The following PPTC7 variants were observed in gnomAD, a reference collection of about 807,000 sequenced individuals.
PPTC7 encodes the protein protein phosphatase targeting COQ7, also known as protein phosphatase PTC7 homolog.
Under a neutral mutation model 30.8 loss-of-function variants are expected in PPTC7, and 6 were observed. The observed-to-expected ratio is 0.19, with a 90% CI of 0.11 to 0.38. PPTC7 has a LOEUF of 0.38. Ranked by LOEUF, PPTC7 falls within the 10% of genes least tolerant of loss-of-function variation. The pLI is 1.00. For missense variants in PPTC7, 218 were observed against 404.8 expected (o/e 0.54, Z 3.96); for synonymous variants, 163 against 168.1 (o/e 0.97, Z 0.23).
Position 110,576,001 on chromosome 12 carries a change from T to C in PPTC7, c.223+6808A>G, listed in dbSNP as rs141078997. Among the ~76,000 whole-genome samples, 12 of 152,226 alleles carry C rather than the reference T, an allele frequency of 7.9e-5. No homozygotes were observed. In the East Asian group the frequency reaches 2.1e-3, roughly 27 times the overall value. On this transcript the variant is annotated intron_variant, in intron 1 of 5. Transcript: ENST00000354300. ...AAAAGCAAACAGCAAACCTCCTCTATCCATCAACCCTGTAATCTTATGTAT... is the reference window on the plus strand; with the variant it reads ...AAAAGCAAACAGCAAACCTCCTCTACCCATCAACCCTGTAATCTTATGTAT...
intron 2 of PPTC7, among the ~76,000 whole-genome samples, chr12:110,547,217 T>C (rs1032406368): frequency 4.6e-5 from 7 of 152,162 alleles, no homozygotes; most frequent in Non-Finnish European, 7.3e-5. Context: ...TAAATTACAG[T>C]ACATCCATAC....
At position 110,538,238 on chromosome 12, in the gene PPTC7, T is replaced by G; in HGVS notation, c.762A>C (p.Arg254Ser). 1 of 1,614,140 alleles carries G rather than the reference T, an allele frequency of 6.2e-7. No homozygotes were observed. Among genetic ancestry groups the G allele is most frequent in the Non-Finnish European group, 8.5e-7 (1 of 1,179,936 alleles). ...SNYESIQQTA[R>S]SIAEQAHELA... is the part of the protein sequence containing the mutation. ...GCTCATGAGCTTGCTCAGCAATGCT[T>G]CTGGCAGTCTGTTGTATACTCTCAT... The change falls in exon 5 of 6, where the codon AGA (arginine) becomes AGC (serine). Residue 254 changes from arginine to serine, a missense_variant. By Grantham distance (110) the Arg-to-Ser change is moderately radical. Coordinates refer to ENST00000354300, the MANE Select transcript of PPTC7 (RefSeq NM_139283.2).
chr12:110,566,714 G>C (rs964269294), intron 1 of PPTC7, among the ~76,000 whole-genome samples: 1 of 152,094 alleles, frequency 6.6e-6, no homozygotes, highest in Non-Finnish European at 1.5e-5. Flanking sequence ...ACAAACACTA[G>C]TCTGTGGTCA....
intron 3 of PPTC7, among the ~76,000 whole-genome samples, chr12:110,543,518 G>A (rs1007911329): frequency 6.6e-6 from 1 of 152,016 alleles, no homozygotes; most frequent in Non-Finnish European, 1.5e-5. Context: ...AACAATGCAA[G>A]ACGCTCTCAT....
intron 2 of PPTC7, chr12:110,546,847 G>C (rs980308948): frequency 1.3e-5 from 2 of 152,174 alleles, no homozygotes; most frequent in African/African-American, 2.4e-5. Context: ...AGTTCACAAA[G>C]AAATAAGTGT....
intron 1 of PPTC7, among the ~76,000 whole-genome samples, chr12:110,577,121 C>T (rs1184376743): frequency 1.4e-5 from 2 of 145,882 alleles, no homozygotes; most frequent in Non-Finnish European, 3.0e-5. Context: ...GAGCCAAGAT[C>T]GCGCCACTGC....
intron 1 of PPTC7, among the ~76,000 whole-genome samples, chr12:110,574,013 C>T (rs1283363382): frequency 6.6e-6 from 1 of 151,026 alleles, no homozygotes; most frequent in Non-Finnish European, 1.5e-5. Flanking sequence ...AAAGGCACTA[C>T]ACAGGCTGGG....
chr12:110,546,067 C>T lies in PPTC7; in HGVS notation c.415G>A (p.Ala139Thr), dbSNP rs376388180. The T allele has an allele frequency of 1.2e-6, 2 of 1,613,446 alleles. No individual in the cohort carries two copies. Among genetic ancestry groups the T allele is most frequent in the African/African-American group, 1.3e-5 (1 of 75,042 alleles). Reference sequence around the variant, plus strand: ...GTTCTGTCCAGCACCACAATGCAGGCGGTGCTGCTACCTAGAAACAAAAAT... The same window carrying T: ...GTTCTGTCCAGCACCACAATGCAGGTGGTGCTGCTACCTAGAAACAAAAAT... ...NKVPLLGSST[A>T]CIVVLDRTSH... The change falls in exon 3 of 6, where the codon GCC becomes ACC. Residue 139 changes from alanine (A) to threonine (T), a missense_variant. By Grantham distance (58) the Ala-to-Thr change is moderately conservative. Transcript: ENST00000354300.
Position 110,545,911 on chromosome 12 carries a change from G to C in PPTC7, c.571C>G (p.Pro191Ala). Reference sequence around the variant, plus strand: ...CTCAAGACGACTCCCTCGGCTTCAGGGGGAGCGATTGAGAGCTGGAATGGA... The same window carrying C: ...CTCAAGACGACTCCCTCGGCTTCAGCGGGAGCGATTGAGAGCTGGAATGGA... ...NTPFQLSIAP[P>A]EAEGVVLSDS... Residue 191 changes from proline (P) to alanine (A), a missense_variant, in exon 3 of 6, where the codon CCT becomes GCT. Transcript: ENST00000354300. 1.9e-6 allele frequency: 3 copies of C among 1,613,898 alleles called. No individual in the cohort carries two copies. Among genetic ancestry groups the C allele is most frequent in the Non-Finnish European group, 2.5e-6 (3 of 1,180,018 alleles).
chr12:110,569,376 G>A (rs908922083), intron 1 of PPTC7, among the ~76,000 whole-genome samples: 1 of 152,046 alleles, frequency 6.6e-6, no homozygotes, highest in Admixed American at 6.6e-5. Flanking sequence ...AAAAGAGAAA[G>A]AGAGGGCTGA....
In PPTC7 at chr12:110,582,934, TCGCCGCCGCCGC is replaced by T; in HGVS notation, c.86_97del (p.Gly29_Gly32del). 3.2e-6 allele frequency: 5 copies of T among 1,546,426 alleles called. No homozygotes were observed. The highest frequency in any genetic ancestry group is 1.2e-5 in the South Asian group (1 of 83,928). The stretch of plus-strand genomic sequence containing the variant: ...GCAGCCGGCCGTCACCAGTCCGTAG[TCGCCGCCGCCGC>T]CGCCGCCGGCCCTGGGGTCGGTCTG... On this transcript the variant is annotated inframe_deletion, in exon 1 of 6. Transcript: ENST00000354300.
intron 4 of PPTC7, among the ~76,000 whole-genome samples, 153 bp downstream of exon 4, chr12:110,539,669 T>C (rs745791343): frequency 3.9e-5 from 6 of 152,246 alleles, no homozygotes; most frequent in Non-Finnish European, 7.3e-5. Context: ...CCAAGTGCTC[T>C]AATTATTTGA....
chr12:110,582,594 G>C (rs1046399891), intron 1 of PPTC7, among the ~76,000 whole-genome samples: 3 of 152,212 alleles, frequency 2.0e-5, no homozygotes, highest in Non-Finnish European at 2.9e-5. Context: ...CTTGACCGCT[G>C]TGCGCCTTAG....
chr12:110,556,252 C>G (rs1280026873), intron 1 of PPTC7, among the ~76,000 whole-genome samples: 1 of 152,114 alleles, frequency 6.6e-6, no homozygotes, highest in Non-Finnish European at 1.5e-5. Flanking sequence ...ACACCACTGA[C>G]CAAATCTCTT....
At chr12:110,574,488 C>A (rs946500170) in intron 1 of PPTC7, among the ~76,000 whole-genome samples, 2 of 152,092 alleles carry the variant, frequency 1.3e-5, no homozygotes, top group East Asian at 1.9e-4. Context: ...TTCTGTCCTT[C>A]CCCATTGCCC....
chr12:110,579,243 C>T (rs1283869209), intron 1 of PPTC7, among the ~76,000 whole-genome samples: 1 of 152,190 alleles, frequency 6.6e-6, no homozygotes, highest in African/African-American at 2.4e-5. Flanking sequence ...TCAAATGAGG[C>T]CAACTCATGA....
intron 1 of PPTC7, among the ~76,000 whole-genome samples, chr12:110,553,411 T>G (rs1418461185): frequency 1.3e-5 from 2 of 151,936 alleles, no homozygotes; most frequent in African/African-American, 4.8e-5. Flanking sequence ...CCCAAAGTTC[T>G]GGGATTACAG....
intron 1 of PPTC7, among the ~76,000 whole-genome samples, chr12:110,555,908 T>C (rs2064382993): frequency 6.6e-6 from 1 of 152,258 alleles, no homozygotes; most frequent in East Asian, 1.9e-4. Context: ...AATATAATTA[T>C]AAGCCTTGCA....
At chr12:110,576,579 T>C (rs2064590802) in intron 1 of PPTC7, among the ~76,000 whole-genome samples, 2 of 152,206 alleles carry the variant, frequency 1.3e-5, no homozygotes, top group Admixed American at 1.3e-4. Context: ...CCAACATGGA[T>C]GAACTCTGAA....
Sources: allele counts gnomAD v4.1 joint callset (sites outside exome capture counted in the v4.1 genomes callset), GRCh38; gene constraint gnomAD v4.1.1; transcripts MANE v1.5; gene names NCBI Gene and HGNC (gene_info 2026-07-23, HGNC 2026-07-21).